Variants in NEBL observed in about 807,000 individuals in gnomAD.
The protein encoded by NEBL is nebulette, also known as LIM and SH3 protein 2.
In NEBL, 122 loss-of-function variants were observed where a neutral mutation model predicts 140.2. The ratio of observed to expected loss-of-function variants is 0.87; its 90% CI spans 0.75 to 1.01. The LOEUF is 1.01. Among genes scored for constraint, NEBL ranks in the 50% least tolerant of loss-of-function variants. NEBL has a pLI of 0.00. For synonymous variants in NEBL, 436 were observed against 398.9 expected, an observed-to-expected ratio of 1.09 and a Z score of -1.11; for missense variants, 1,365 against 1,231.3, an observed-to-expected ratio of 1.11 and a Z score of -1.62.
rs1156452465 is a variant in NEBL at position 20,826,504 on chromosome 10, T to G, written c.1812A>C (p.Ala604=). 1 of 1,612,922 alleles carries G rather than the reference T, an allele frequency of 6.2e-7. No homozygotes were observed. The highest frequency in any genetic ancestry group is 8.5e-7 in the Non-Finnish European group (1 of 1,179,244). The change falls in exon 18 of 28, where the codon GCA becomes GCC. Residue 604 remains alanine, a synonymous_variant. Transcript: ENST00000377122. The part of the protein sequence containing the change: ...FYKKEVGAGT[A]VKDSPEIERV... ...GTTCGATCTCTGGGCTATCTTTCAC[T>G]GCAGTGCCAGCTCCCACTTCTTTCT... is the stretch of plus-strand genomic sequence containing the variant.
chr10:21,014,671 T>A (rs560845765), intron 3 of NEBL, among the ~76,000 whole-genome samples: 40 of 152,214 alleles, frequency 2.6e-4, no homozygotes, highest in Non-Finnish European at 4.7e-4. Context: ...AGATGACAGA[T>A]AACTGAGAGA....
At chr10:20,834,474 G>A (rs1840699451) in intron 14 of NEBL, among the ~76,000 whole-genome samples, 1 of 152,122 alleles carries the variant, frequency 6.6e-6, no homozygotes, top group Admixed American at 6.5e-5. Flanking sequence ...TTCAATCATG[G>A]CAATCCCATT....
At chr10:21,006,675 C>G (rs888776820) in intron 3 of NEBL, among the ~76,000 whole-genome samples, 1 of 152,156 alleles carries the variant, frequency 6.6e-6, no homozygotes, top group Non-Finnish European at 1.5e-5. Context: ...ATGGCTTTCA[C>G]CAAATTTCCA....
At chr10:21,288,818 G>GTATATATA (rs757155594) in intron 1 of NEBL, among the ~76,000 whole-genome samples, 726 of 32,504 alleles carry the variant, frequency 0.022, 21 homozygotes, top group African/African-American at 0.043. Flanking sequence ...ACGTGTGTGT[G>GTATATATA]TGTATATATA....
At chr10:20,799,925 G>A (rs1029546793) in intron 26 of NEBL, among the ~76,000 whole-genome samples, 9 of 63,468 alleles carry the variant, frequency 1.4e-4, no homozygotes, top group Admixed American at 1.1e-3. Context: ...CATCTGGCAC[G>A]TGTGTGTGTG....
At chr10:20,847,993 C>A (rs550203929) in intron 11 of NEBL, among the ~76,000 whole-genome samples, 2 of 152,234 alleles carry the variant, frequency 1.3e-5, no homozygotes, top group Admixed American at 6.5e-5. Context: ...GCAAACTGCA[C>A]ATTTTTTTTC....
chr10:21,127,163 G>C (rs1000368536), intron 2 of NEBL, among the ~76,000 whole-genome samples: 7 of 151,952 alleles, frequency 4.6e-5, no homozygotes, highest in African/African-American at 1.5e-4. Context: ...TCCCCACCGA[G>C]GGAGGCTGCC....
intron 2 of NEBL, among the ~76,000 whole-genome samples, chr10:21,169,847 T>G (rs1483907090): frequency 6.6e-6 from 1 of 152,174 alleles, no homozygotes; most frequent in Non-Finnish European, 1.5e-5. Context: ...ATGAGAAATT[T>G]TAGAGAGAAA....
chr10:20,835,706 G>T lies in NEBL; in HGVS notation c.1339-83C>A, dbSNP rs1013915632. ...AGTCAATGATACTAAAAAAAAAATA[G>T]TTAGACATATTTTACAAAAGAGGTA... On this transcript the variant is annotated intron_variant, in intron 13 of 27. Coordinates refer to ENST00000377122, the MANE Select transcript of NEBL (RefSeq NM_006393.3). 6.3e-6 allele frequency: 6 copies of T among 950,534 alleles called. No homozygotes were observed. In the East Asian group the frequency reaches 1.4e-4, roughly 23 times the overall value. The allele number at this position is 950,534 out of a possible 1,614,324, so 58.9% of individuals were successfully genotyped here. A position where few individuals can be genotyped will look rare whatever the true frequency, so the allele number is the denominator to read the frequency against.
chr10:21,175,345 G>T (rs533801247), upstream of NEBL, among the ~76,000 whole-genome samples: 6 of 152,308 alleles, frequency 3.9e-5, no homozygotes, highest in African/African-American at 1.2e-4. Flanking sequence ...GCTTCAATCG[G>T]CCTGGCTCAA....
intron 3 of NEBL, among the ~76,000 whole-genome samples, chr10:21,186,984 CTGTATGTGTG>C (rs1441892665): frequency 1.5e-5 from 2 of 135,248 alleles, no homozygotes; most frequent in Non-Finnish European, 3.1e-5. Flanking sequence ...AGGGCCAACT[CTGTATGTGTG>C]TGTGTGTGTG....
chr10:21,064,766 C>A (rs1321484601), intron 2 of NEBL, among the ~76,000 whole-genome samples: 1 of 152,022 alleles, frequency 6.6e-6, no homozygotes, highest in Non-Finnish European at 1.5e-5. Flanking sequence ...TTCTGAAAAA[C>A]CAACCCATTG....
intron 2 of NEBL, among the ~76,000 whole-genome samples, chr10:21,108,139 G>A (rs1183800707): frequency 6.6e-6 from 1 of 152,016 alleles, no homozygotes; most frequent in Non-Finnish European, 1.5e-5. Context: ...ATTTTTGAAG[G>A]GGTTTTTATG....
intron 3 of NEBL, among the ~76,000 whole-genome samples, chr10:21,207,886 G>A (rs1030708212): frequency 2.6e-5 from 4 of 152,126 alleles, no homozygotes; most frequent in African/African-American, 9.7e-5. Flanking sequence ...TTGGAACGTA[G>A]GCCCGAAGCA....
chr10:21,152,374 T>G (rs193014269), intron 2 of NEBL, among the ~76,000 whole-genome samples: 327 of 152,256 alleles, frequency 2.1e-3, no homozygotes, highest in Non-Finnish European at 9.0e-4. Context: ...CACCTCCATT[T>G]CCCAAAGTTA....
At chr10:21,203,783 C>A (rs1841781211) in intron 3 of NEBL, among the ~76,000 whole-genome samples, 1 of 152,152 alleles carries the variant, frequency 6.6e-6, no homozygotes, top group Non-Finnish European at 1.5e-5. Context: ...CATTTGACGA[C>A]CTTCCCACCT....
intron 3 of NEBL, among the ~76,000 whole-genome samples, chr10:21,246,015 C>A (rs909582445): frequency 1.3e-5 from 2 of 152,180 alleles, no homozygotes; most frequent in Admixed American, 1.3e-4. Context: ...TTTTTATATA[C>A]TTTTTTCCTT....
intron 5 of NEBL, among the ~76,000 whole-genome samples, chr10:20,873,039 C>A (rs181007757): frequency 6.6e-6 from 1 of 152,092 alleles, no homozygotes; most frequent in Non-Finnish European, 1.5e-5. Context: ...GATCCAAGAA[C>A]GTCTTTTGGG....
At chr10:21,088,924 A>C (rs905528488) in intron 2 of NEBL, among the ~76,000 whole-genome samples, 1 of 152,196 alleles carries the variant, frequency 6.6e-6, no homozygotes, top group East Asian at 1.9e-4. Flanking sequence ...GAGGATGGGC[A>C]GTTAATGAAC....
Sources: gnomAD v4.1 joint callset for allele counts (sites outside exome capture counted in the v4.1 genomes callset) on GRCh38, gnomAD v4.1.1 for gene constraint, MANE v1.5 for transcripts, NCBI Gene and HGNC (gene_info 2026-07-23, HGNC 2026-07-21) for gene names.